The following CREBRF variants were observed in gnomAD, a reference collection of about 807,000 sequenced individuals.
CREBRF encodes CREB3 regulatory factor.
Under a neutral mutation model 66.1 loss-of-function variants are expected in CREBRF, and 5 were observed. The observed-to-expected ratio is 0.08, with a 90% CI of 0.04 to 0.16. The LOEUF is 0.16. Among genes scored for constraint, CREBRF ranks in the 10% least tolerant of loss-of-function variants. The pLI, the probability that CREBRF is intolerant of heterozygous loss-of-function variation, is 1.00. For synonymous variants in CREBRF, 229 were observed against 264.4 expected, an observed-to-expected ratio of 0.87 and a Z score of 1.30; for missense variants, 531 against 744.9, an observed-to-expected ratio of 0.71 and a Z score of 3.34.
At chr5:173,125,358 T>C (rs1759245342) in intron 8 of CREBRF, among the ~76,000 whole-genome samples, 2 of 152,198 alleles carry the variant, frequency 1.3e-5, no homozygotes, top group African/African-American at 4.8e-5. Context: ...TTCTTAGTTA[T>C]TCTATTTCTG....
In CREBRF at chr5:173,123,163, A is replaced by G; in HGVS notation, c.1765A>G (p.Met589Val). The change falls in exon 8 of 9, where the codon ATG becomes GTG. Residue 589 changes from methionine to valine, a missense_variant. Physicochemically the swap from Met to Val is conservative, Grantham distance 21. Transcript: ENST00000296953. The part of the protein sequence containing the change: ...QNPRDERGPN[M>V]GQKLEILIKD... ...TCCAAGAGATGAGAGAGGACCCAAC[A>G]TGGGGCAGAAGCTTGAAATCCTCAT... 2.5e-6 allele frequency: 4 copies of G among 1,604,302 alleles called. No homozygotes were observed. Among genetic ancestry groups the G allele is most frequent in the East Asian group, 2.2e-5 (1 of 44,716 alleles).
At chr5:173,099,246 G>A (rs1208569308) in intron 4 of CREBRF, among the ~76,000 whole-genome samples, 4 of 151,940 alleles carry the variant, frequency 2.6e-5, no homozygotes, top group Non-Finnish European at 5.9e-5. Flanking sequence ...GCCTTGACCT[G>A]CCAGACTCAA....
intron 4 of CREBRF, among the ~76,000 whole-genome samples, chr5:173,096,445 CCCTCT>C (rs1162934404): frequency 2.3e-4 from 14 of 61,794 alleles, no homozygotes; most frequent in South Asian, 1.2e-3. Context: ...CCCTCCCCTC[CCCTCT>C]CCTCCCCTCT....
chr5:173,095,966 T>C (rs1360085342), intron 4 of CREBRF, among the ~76,000 whole-genome samples: 1 of 152,098 alleles, frequency 6.6e-6, no homozygotes, highest in East Asian at 1.9e-4. Context: ...AACAGTTCTA[T>C]GGTGAAGTCT....
intron 8 of CREBRF, among the ~76,000 whole-genome samples, chr5:173,131,015 A>C (rs1759412226): frequency 6.6e-6 from 1 of 152,066 alleles, no homozygotes; most frequent in Admixed American, 6.5e-5. Context: ...CCAGCAGCAA[A>C]CTTATTTTTA....
intron 1 of CREBRF, among the ~76,000 whole-genome samples, chr5:173,064,559 A>ATTTT (rs1217486982): frequency 1.5e-4 from 16 of 107,628 alleles, no homozygotes; most frequent in East Asian, 2.5e-4. Flanking sequence ...CACCTGGTTA[A>ATTTT]TTTTTTTTTT....
chr5:173,104,612 C>T (rs182577840), intron 4 of CREBRF, among the ~76,000 whole-genome samples: 29 of 151,826 alleles, frequency 1.9e-4, no homozygotes, highest in East Asian at 3.9e-4. Flanking sequence ...CCGGGGAGGT[C>T]GAGGCTGCAG....
chr5:173,124,869 TTCTTTTC>T (rs1004749390), intron 8 of CREBRF, among the ~76,000 whole-genome samples: 6 of 151,734 alleles, frequency 4.0e-5, no homozygotes, highest in African/African-American at 1.4e-4. Flanking sequence ...TCGTCTGTCT[TTCTTTTC>T]TCTTTTCTTC....
Position 173,136,557 on chromosome 5 carries a change from A to G in CREBRF, c.*2812A>G, listed in dbSNP as rs556837427. 4.6e-5 allele frequency: 7 copies of G among 152,622 alleles called. No individual in the cohort carries two copies. The highest frequency in any genetic ancestry group is 1.0e-4 in the Non-Finnish European group (7 of 67,922). 9.5% of individuals were successfully genotyped at this position (152,622 alleles called of 1,614,324 possible). On this transcript the variant is annotated 3_prime_UTR_variant, in exon 9 of 9. Transcript: ENST00000296953. ...TTGCTGTTTTAACTTTATCATAAAGATGACATAGGCAAGCTGTGCAGCTTT... is the reference window on the plus strand; with the variant it reads ...TTGCTGTTTTAACTTTATCATAAAGGTGACATAGGCAAGCTGTGCAGCTTT...
chr5:173,127,621 G>A (rs1322982351), intron 8 of CREBRF, among the ~76,000 whole-genome samples: 6 of 150,760 alleles, frequency 4.0e-5, no homozygotes, highest in Admixed American at 1.3e-4. Context: ...CACCGCGCCC[G>A]GCTAATTTTT....
At chr5:173,064,058 G>A (rs1757361950) in intron 1 of CREBRF, among the ~76,000 whole-genome samples, 6 of 151,942 alleles carry the variant, frequency 3.9e-5, no homozygotes, top group Admixed American at 3.9e-4. Context: ...TGATAGTAAA[G>A]CTTGCTGTTT....
At chr5:173,080,929 A>C (rs998854298) in intron 2 of CREBRF, 145 bp downstream of exon 2, 1 of 754,662 alleles carries the variant, frequency 1.3e-6, no homozygotes, top group Non-Finnish European at 2.2e-6. Flanking sequence ...TTTTGAGTAC[A>C]TGTTCTTCCT....
intron 7 of CREBRF, among the ~76,000 whole-genome samples, chr5:173,117,473 C>A (rs1392272018): frequency 6.6e-6 from 1 of 151,046 alleles, no homozygotes; most frequent in Admixed American, 6.6e-5. Flanking sequence ...TCATTGGCAT[C>A]TTTTCCTTTC....
At chr5:173,083,183 A>G (rs898255906) in intron 2 of CREBRF, among the ~76,000 whole-genome samples, 2 of 151,628 alleles carry the variant, frequency 1.3e-5, no homozygotes, top group African/African-American at 4.8e-5. Context: ...AGCTGAGATC[A>G]TGCCAACAGA....
chr5:173,067,969 C>T (rs1757484737), intron 1 of CREBRF, among the ~76,000 whole-genome samples: 1 of 151,866 alleles, frequency 6.6e-6, no homozygotes, highest in African/African-American at 2.4e-5. Context: ...CACTGCACTC[C>T]AGCCTGGGCG....
At chr5:173,076,748 TCAAAAAA>T (rs1757776493) in intron 1 of CREBRF, among the ~76,000 whole-genome samples, 1 of 74,658 alleles carries the variant, frequency 1.3e-5, no homozygotes. Context: ...ACAGTCAGTC[TCAAAAAA>T]AAAAAAAAAA....
intron 8 of CREBRF, among the ~76,000 whole-genome samples, chr5:173,132,691 C>T (rs1759501178): frequency 6.8e-6 from 1 of 147,140 alleles, no homozygotes; most frequent in African/African-American, 2.5e-5. Context: ...CCTCCACCCC[C>T]CGGGTTCAAG....
At position 173,092,836 on chromosome 5, in the gene CREBRF, A is replaced by G. The variant is rs370660375; in HGVS notation, c.1222+1435A>G. Reference sequence around the variant, plus strand: ...TTTTGATTTGGGTGGAGTTTCAGGTAAGTAAAAGGTACTTGAATATGGAAG... The same window carrying G: ...TTTTGATTTGGGTGGAGTTTCAGGTGAGTAAAAGGTACTTGAATATGGAAG... On this transcript the variant is annotated intron_variant, in intron 4 of 8. Coordinates refer to ENST00000296953, the MANE Select transcript of CREBRF (RefSeq NM_153607.3). Among the ~76,000 whole-genome samples the G allele has an allele frequency of 9.2e-5, 14 of 152,320 alleles. No homozygotes were observed. The South Asian group carries it at 1.7e-3, about 18-fold the overall frequency.
At chr5:173,100,343 G>A (rs1415939433) in intron 4 of CREBRF, among the ~76,000 whole-genome samples, 1 of 151,134 alleles carries the variant, frequency 6.6e-6, no homozygotes, top group Non-Finnish European at 1.5e-5. Context: ...AAAGTGTTTT[G>A]CATACCACTG....
Sources: gnomAD v4.1 joint callset for allele counts (sites outside exome capture counted in the v4.1 genomes callset) on GRCh38, gnomAD v4.1.1 for gene constraint, MANE v1.5 for transcripts, NCBI Gene and HGNC (gene_info 2026-07-23, HGNC 2026-07-21) for gene names.